ETV1: variants seen among roughly 807,000 people sequenced by gnomAD.
ETV1 encodes ETS variant transcription factor 1, also known as ETS translocation variant 1.
A neutral mutation model predicts 62.3 loss-of-function variants in ETV1; 27 were observed. That is an observed-to-expected ratio of 0.43 (90% CI 0.32 to 0.60). The LOEUF is 0.60. Among genes scored for constraint, ETV1 ranks in the 20% least tolerant of loss-of-function variants. ETV1 has a pLI of 0.06. For synonymous variants in ETV1, 222 were observed against 199.6 expected (o/e 1.11, Z -0.94); for missense variants, 605 against 605.8 (o/e 1.00, Z 0.01).
chr7:13,958,801 GT>G lies in ETV1; in HGVS notation c.235+18625del, dbSNP rs1789803043. 2 of 152,214 alleles carry G rather than the reference GT, an allele frequency of 1.3e-5. 1 individual carries two copies. The highest frequency in any genetic ancestry group is 4.1e-4 in the South Asian group (2 of 4,834). The allele number at this position is 152,214 out of a possible 1,614,324, so 9.4% of individuals were successfully genotyped here. On this transcript the variant is annotated intron_variant, in intron 6 of 13. Transcript: ENST00000430479. Reference sequence around the variant, plus strand: ...ATAATAGTTTCTACTAAATAAGGATGTTATGAAGATTGGCTGCATTAAGATA... The same window carrying G: ...ATAATAGTTTCTACTAAATAAGGATGTATGAAGATTGGCTGCATTAAGATA...
intron 6 of ETV1, among the ~76,000 whole-genome samples, chr7:13,940,253 T>A (rs952574811): frequency 6.6e-6 from 1 of 151,468 alleles, no homozygotes; most frequent in African/African-American, 2.4e-5. Context: ...TCCCAGCTAC[T>A]TGGGAGGCTG....
intron 6 of ETV1, among the ~76,000 whole-genome samples, chr7:13,941,046 G>A (rs562471025): frequency 1.1e-4 from 16 of 152,030 alleles, no homozygotes; most frequent in South Asian, 6.2e-4. Flanking sequence ...TGTTTAGTAC[G>A]CCTATTCAAA....
At chr7:13,932,181 A>G (rs1056881420) in intron 8 of ETV1, among the ~76,000 whole-genome samples, 1 of 152,178 alleles carries the variant, frequency 6.6e-6, no homozygotes, top group African/African-American at 2.4e-5. Context: ...TGCATCCTCT[A>G]TCTTTTAATT....
chr7:13,892,844 C>T lies in ETV1; in HGVS notation c.*3022G>A. ...AAAGCTGGAAGAATCTCCCCTGGAGCCTCCAGAAGGAACCAGACCTAAGGA... is the reference window on the plus strand; with the variant it reads ...AAAGCTGGAAGAATCTCCCCTGGAGTCTCCAGAAGGAACCAGACCTAAGGA... On this transcript the variant is annotated 3_prime_UTR_variant, in exon 14 of 14. Coordinates refer to ENST00000430479, the MANE Select transcript of ETV1 (RefSeq NM_004956.5). 3 of 232,290 alleles carry T rather than the reference C, an allele frequency of 1.3e-5. No individual in the cohort carries two copies. The highest frequency in any genetic ancestry group is 2.6e-5 in the Non-Finnish European group (3 of 117,450). The allele number at this position is 232,290 out of a possible 1,614,324, so 14.4% of individuals were successfully genotyped here.
chr7:13,914,926 T>G (rs545475147), intron 9 of ETV1, among the ~76,000 whole-genome samples: 2 of 152,304 alleles, frequency 1.3e-5, no homozygotes, highest in East Asian at 3.9e-4. Context: ...TGGCTGAAAT[T>G]GCTCTGCTAT....
Position 13,893,064 on chromosome 7 carries a change from T to C in ETV1, c.*2802A>G, listed in dbSNP as rs74995333. On this transcript the variant is annotated 3_prime_UTR_variant, in exon 14 of 14. Transcript: ENST00000430479. ...GTGGATTTTTATTCTGAAGCACTTT[T>C]CATGGACATAACAAGAAAAATTATT... is the stretch of plus-strand genomic sequence containing the variant. The C allele has an allele frequency of 0.051, 11,839 of 232,812 alleles. 360 individuals are homozygous for C. Among genetic ancestry groups the C allele is most frequent in the Middle Eastern group, 0.14 (109 of 784 alleles). The allele number at this position is 232,812 out of a possible 1,614,324, so 14.4% of individuals were successfully genotyped here.
chr7:13,901,721 G>C (rs963967800), intron 12 of ETV1, among the ~76,000 whole-genome samples: 1 of 152,144 alleles, frequency 6.6e-6, no homozygotes, highest in African/African-American at 2.4e-5. Flanking sequence ...ATAAAACTGT[G>C]GGTAATACCA....
rs1203423630 is a variant in ETV1, at chr7:13,910,523, A to G, written c.871+716T>C. On this transcript the variant is annotated intron_variant, in intron 10 of 13. Coordinates refer to ENST00000430479, the MANE Select transcript of ETV1 (RefSeq NM_004956.5). ...TTACCATCTCATACTACCCTTTAAA[A>G]TTCTACTAATATCATTTACACAAAA... 5.3e-6 allele frequency: 3 copies of G among 569,902 alleles called. No individual in the cohort carries two copies. The African/African-American group carries it at 6.1e-5, about 12-fold the overall frequency. The allele number at this position is 569,902 out of a possible 1,614,324, so 35.3% of individuals were successfully genotyped here. A position where few individuals can be genotyped will look rare whatever the true frequency, so the allele number is the denominator to read the frequency against.
At chr7:13,986,711 CAT>C (rs1403125013) in intron 4 of ETV1, 26 bp from the exon 5 acceptor site, 1 of 1,556,438 alleles carries the variant, frequency 6.4e-7, no homozygotes, top group African/African-American at 1.4e-5. Context: ...AAGACATAAA[CAT>C]AAGATTTGCA....
At chr7:13,974,430 T>C (rs762199344) in intron 6 of ETV1, among the ~76,000 whole-genome samples, 3 of 152,208 alleles carry the variant, frequency 2.0e-5, no homozygotes, top group Non-Finnish European at 4.4e-5. Flanking sequence ...TAGGACTCTG[T>C]CCTGCAGACA....
chr7:13,943,994 G>A (rs769571070), intron 6 of ETV1, among the ~76,000 whole-genome samples: 6 of 152,180 alleles, frequency 3.9e-5, no homozygotes, highest in Admixed American at 6.5e-5. Flanking sequence ...AATTATTCCA[G>A]ATGGGTAGGA....
chr7:13,970,185 C>G (rs530555215), intron 6 of ETV1, among the ~76,000 whole-genome samples: 1 of 151,786 alleles, frequency 6.6e-6, no homozygotes, highest in Admixed American at 6.6e-5. Flanking sequence ...GGCGTGAACC[C>G]GGGAGGCGGA....
At chr7:13,985,134 C>T (rs1396925413) in intron 5 of ETV1, among the ~76,000 whole-genome samples, 1 of 152,004 alleles carries the variant, frequency 6.6e-6, no homozygotes, top group East Asian at 1.9e-4. Context: ...TTTGGAGAAG[C>T]AAATAAATTC....
At chr7:13,978,417 ACG>A (rs1316753191) in intron 5 of ETV1, among the ~76,000 whole-genome samples, 16 of 144,064 alleles carry the variant, frequency 1.1e-4, no homozygotes, top group Admixed American at 6.3e-4. Flanking sequence ...ACACACACAC[ACG>A]CCCAAAAAAT....
chr7:13,984,398 T>C (rs1782330849), intron 5 of ETV1, among the ~76,000 whole-genome samples: 1 of 151,984 alleles, frequency 6.6e-6, no homozygotes, highest in Non-Finnish European at 1.5e-5. Context: ...GGATCTCTTC[T>C]TAGCTAATAC....
At chr7:13,898,796 T>G (rs945779036) in intron 13 of ETV1, among the ~76,000 whole-genome samples, 2 of 152,324 alleles carry the variant, frequency 1.3e-5, no homozygotes, top group East Asian at 3.9e-4. Context: ...TTCCTCTGAA[T>G]GACTATACTA....
At chr7:13,941,996 T>G (rs1475358840) in intron 6 of ETV1, among the ~76,000 whole-genome samples, 1 of 151,506 alleles carries the variant, frequency 6.6e-6, no homozygotes, top group Non-Finnish European at 1.5e-5. Flanking sequence ...TGACACAGCT[T>G]TGTAATACAT....
chr7:13,913,538 C>T (rs1034714701), intron 9 of ETV1, among the ~76,000 whole-genome samples: 2 of 152,172 alleles, frequency 1.3e-5, no homozygotes, highest in Non-Finnish European at 2.9e-5. Context: ...CAACATTTCG[C>T]ACAGTATCTG....
In ETV1 at chr7:13,983,305, T is replaced by G. The variant is rs187843290; in HGVS notation, c.181+3333A>C. Among the ~76,000 whole-genome samples the G allele has an allele frequency of 3.9e-5, 6 of 152,116 alleles. No homozygotes were observed. In the East Asian group the frequency reaches 1.2e-3, roughly 29 times the overall value. Reference sequence around the variant, plus strand: ...ATTATTATTTCCCTTTAAGTTGTGTTAGTAGGTGAGCTTTAAGAAGCAAAT... The same window carrying G: ...ATTATTATTTCCCTTTAAGTTGTGTGAGTAGGTGAGCTTTAAGAAGCAAAT... On this transcript the variant is annotated intron_variant, in intron 5 of 13. Coordinates refer to ENST00000430479, the MANE Select transcript of ETV1 (RefSeq NM_004956.5).
Sources: allele counts gnomAD v4.1 joint callset (sites outside exome capture counted in the v4.1 genomes callset), GRCh38; gene constraint gnomAD v4.1.1; transcripts MANE v1.5; gene names NCBI Gene and HGNC (gene_info 2026-07-23, HGNC 2026-07-21).